PTK2B: variants seen among roughly 807,000 people sequenced by gnomAD.
The protein encoded by PTK2B is protein-tyrosine kinase 2-beta.
In PTK2B, 71 loss-of-function variants were observed where a neutral mutation model predicts 142.9. The ratio of observed to expected loss-of-function variants is 0.50; its 90% CI spans 0.41 to 0.61. PTK2B has a LOEUF of 0.61. Ranked by LOEUF, PTK2B falls within the 20% of genes least tolerant of loss-of-function variation. PTK2B has a pLI of 0.00. For synonymous variants in PTK2B, 519 were observed against 503.4 expected (o/e 1.03, Z -0.42); for missense variants, 1,105 against 1,320.4 (o/e 0.84, Z 2.53).
intron 21 of PTK2B, among the ~76,000 whole-genome samples, 186 bp from the exon 22 acceptor site, chr8:27,442,687 CAG>C (rs1811226152): frequency 6.6e-6 from 1 of 152,186 alleles, no homozygotes; most frequent in African/African-American, 2.4e-5. Flanking sequence ...AGTGTGGCCT[CAG>C]GGCCCATATC....
At chr8:27,389,091 T>C (rs1453987141) in intron 1 of PTK2B, among the ~76,000 whole-genome samples, 1 of 152,180 alleles carries the variant, frequency 6.6e-6, no homozygotes, top group African/African-American at 2.4e-5. Flanking sequence ...AGAGTTCTAT[T>C]AGAGACCGTA....
At chr8:27,426,527 G>T (rs181335363) in intron 5 of PTK2B, among the ~76,000 whole-genome samples, 1 of 152,188 alleles carries the variant, frequency 6.6e-6, no homozygotes, top group South Asian at 2.1e-4. Flanking sequence ...GGAGAGCAGC[G>T]TCTCCCTTGA....
intron 1 of PTK2B, among the ~76,000 whole-genome samples, chr8:27,352,100 G>T (rs1036764192): frequency 7.2e-5 from 11 of 152,294 alleles, no homozygotes; most frequent in South Asian, 6.2e-4. Context: ...ACGGCGGGGG[G>T]GCTGCCTGTC....
intron 1 of PTK2B, among the ~76,000 whole-genome samples, chr8:27,346,117 T>C (rs1456398829): frequency 6.6e-6 from 1 of 152,240 alleles, no homozygotes; most frequent in Non-Finnish European, 1.5e-5. Flanking sequence ...GTCTGGTTGC[T>C]CAGGACTATG....
At chr8:27,428,486 T>A (rs1810218376) in intron 5 of PTK2B, among the ~76,000 whole-genome samples, 1 of 152,222 alleles carries the variant, frequency 6.6e-6, no homozygotes, top group African/African-American at 2.4e-5. Flanking sequence ...TACAGAGAAG[T>A]AAGGGTAGGG....
At chr8:27,405,886 T>A (rs1808683292) in intron 2 of PTK2B, among the ~76,000 whole-genome samples, 1 of 152,266 alleles carries the variant, frequency 6.6e-6, no homozygotes, top group Non-Finnish European at 1.5e-5. Context: ...TATTTTAGAA[T>A]GATCCCTTAC....
Position 27,431,267 on chromosome 8 carries a change from G to A in PTK2B, c.811-131G>A, listed in dbSNP as rs1810401275. On this transcript the variant is annotated intron_variant, in intron 8 of 30. Transcript: ENST00000346049. ...CAGGAGGGGAAGATCCATATGGCCA[G>A]GGTTTCGGTGAGAAGGAGCTGGAGA... 5 of 1,547,574 alleles carry A rather than the reference G, an allele frequency of 3.2e-6. No homozygotes were observed. In the South Asian group the frequency reaches 4.9e-5, roughly 15 times the overall value.
At chr8:27,357,058 C>T (rs373668720) in intron 1 of PTK2B, among the ~76,000 whole-genome samples, 7 of 152,110 alleles carry the variant, frequency 4.6e-5, no homozygotes, top group South Asian at 4.2e-4. Flanking sequence ...CCCACACATA[C>T]GAATGAATCC....
intron 1 of PTK2B, among the ~76,000 whole-genome samples, chr8:27,327,107 A>G (rs1803465789): frequency 6.6e-6 from 1 of 152,192 alleles, no homozygotes; most frequent in Non-Finnish European, 1.5e-5. Context: ...AAGAACAGCA[A>G]GTGCAGAGAC....
chr8:27,372,836 A>G (rs920208276), intron 1 of PTK2B, among the ~76,000 whole-genome samples: 3 of 152,124 alleles, frequency 2.0e-5, no homozygotes, highest in African/African-American at 7.2e-5. Flanking sequence ...CAGTCCAAAG[A>G]TGTGTTTTTG....
intron 1 of PTK2B, among the ~76,000 whole-genome samples, chr8:27,328,323 C>A (rs750510723): frequency 6.6e-6 from 1 of 152,052 alleles, no homozygotes; most frequent in Non-Finnish European, 1.5e-5. Flanking sequence ...AGAAAAGTAG[C>A]GCTAAGAGAT....
chr8:27,419,167 A>G (rs771726369), intron 2 of PTK2B, among the ~76,000 whole-genome samples: 35 of 152,210 alleles, frequency 2.3e-4, no homozygotes, highest in Non-Finnish European at 4.9e-4. Context: ...AGGCTGGGAG[A>G]CAGGCAGTCT....
chr8:27,361,513 C>G (rs559524995), intron 1 of PTK2B, among the ~76,000 whole-genome samples: 1 of 152,152 alleles, frequency 6.6e-6, no homozygotes, highest in African/African-American at 2.4e-5. Context: ...CATGAGCCAC[C>G]GCAGCCGGCC....
intron 1 of PTK2B, among the ~76,000 whole-genome samples, chr8:27,331,316 G>A (rs989596107): frequency 8.5e-5 from 13 of 152,158 alleles, no homozygotes; most frequent in Admixed American, 5.2e-4. Context: ...TTCATATGGG[G>A]GTGATTGATG....
In PTK2B at chr8:27,409,062, C is replaced by G. The variant is rs556513035; in HGVS notation, c.205-10833C>G. 3.3e-5 allele frequency among the ~76,000 whole-genome samples: 5 copies of G among 152,326 alleles called. No homozygotes were observed. In the East Asian group the frequency reaches 9.6e-4, roughly 29 times the overall value. ...GCACCATCTCCCCGTGTGCATGTCTCTCTCTGCATTCACACTTCCCCCTTT... is the reference window on the plus strand; with the variant it reads ...GCACCATCTCCCCGTGTGCATGTCTGTCTCTGCATTCACACTTCCCCCTTT... On this transcript the variant is annotated intron_variant, in intron 2 of 30. Coordinates refer to ENST00000346049, the MANE Select transcript of PTK2B (RefSeq NM_173176.3).
At chr8:27,337,139 G>A (rs187529725) in intron 1 of PTK2B, among the ~76,000 whole-genome samples, 28 of 151,400 alleles carry the variant, frequency 1.8e-4, no homozygotes, top group Non-Finnish European at 3.1e-4. Context: ...AACCATCACC[G>A]CTTTTTTTCT....
intron 17 of PTK2B, 124 bp downstream of exon 17, chr8:27,437,620 C>A: frequency 1.7e-6 from 2 of 1,206,812 alleles, no homozygotes; most frequent in South Asian, 1.4e-5. Flanking sequence ...CCCTGTTTGT[C>A]AAGGAAATTG....
In PTK2B at chr8:27,431,380, A is replaced by G. The variant is rs1810411116; in HGVS notation, c.811-18A>G. On this transcript the variant is annotated intron_variant, in intron 8 of 30. Coordinates refer to ENST00000346049, the MANE Select transcript of PTK2B (RefSeq NM_173176.3). ...GAGGACAGCTCTGGAACAACAGTCC[A>G]CTCTCCTTTTATTCCAGCAAGGATG... The G allele has an allele frequency of 1.2e-6, 2 of 1,613,920 alleles. No individual in the cohort carries two copies. The highest frequency in any genetic ancestry group is 4.5e-5 in the East Asian group (2 of 44,880).
upstream of PTK2B, among the ~76,000 whole-genome samples, chr8:27,324,498 C>T (rs999864632): frequency 4.6e-5 from 7 of 152,240 alleles, no homozygotes; most frequent in Admixed American, 4.6e-4. Context: ...GAAACATTGA[C>T]TTCCTAGCTT....
Sources: allele counts gnomAD v4.1 joint callset (sites outside exome capture counted in the v4.1 genomes callset), GRCh38; gene constraint gnomAD v4.1.1; transcripts MANE v1.5; gene names NCBI Gene and HGNC (gene_info 2026-07-23, HGNC 2026-07-21).